The following CNTNAP2 variants were observed in gnomAD, a reference collection of about 807,000 sequenced individuals.
The protein encoded by CNTNAP2 is contactin associated protein 2.
CNTNAP2 carries 98 observed loss-of-function variants against 155.2 expected under a neutral mutation model. That is an observed-to-expected ratio of 0.63 (90% CI 0.54 to 0.75). CNTNAP2 has a LOEUF of 0.75. CNTNAP2 is among the 30% of genes least tolerant of loss of function. The pLI, the probability that CNTNAP2 is intolerant of heterozygous loss-of-function variation, is 0.00. For missense variants in CNTNAP2, 1,727 were observed against 1,688.1 expected (o/e 1.02, Z -0.40); for synonymous variants, 651 against 631.2 (o/e 1.03, Z -0.47).
intron 1 of CNTNAP2, among the ~76,000 whole-genome samples, chr7:146,228,151 G>A (rs749990059): frequency 3.3e-5 from 5 of 152,134 alleles, no homozygotes; most frequent in African/African-American, 1.2e-4. Context: ...GCACTATAGC[G>A]TTATAGCTGC....
Position 147,132,434 on chromosome 7 carries a change from G to C in CNTNAP2, c.1273G>C (p.Asp425His), listed in dbSNP as rs796052373. 6.2e-7 allele frequency: 1 copy of C among 1,613,602 alleles called. No individual in the cohort carries two copies. The highest frequency in any genetic ancestry group is 8.5e-7 in the Non-Finnish European group (1 of 1,179,748). Residue 425 changes from aspartate (D) to histidine (H), a missense_variant, in exon 8 of 24, where the codon GAC (aspartate) becomes CAC (histidine). Coordinates refer to ENST00000361727, the MANE Select transcript of CNTNAP2 (RefSeq NM_014141.6). ...FADNLGNVEI[D>H]LTESKVGVHI... The stretch of plus-strand genomic sequence containing the variant: ...GGATAATTTGGGCAATGTGGAGATT[G>C]ACCTCACTGAAAGCAAAGTGGGTGT...
chr7:147,849,123 C>T (rs1308427713), intron 13 of CNTNAP2, among the ~76,000 whole-genome samples: 1 of 152,136 alleles, frequency 6.6e-6, no homozygotes, highest in African/African-American at 2.4e-5. Flanking sequence ...TGGCATAAAA[C>T]AGCAACATTC....
intron 1 of CNTNAP2, among the ~76,000 whole-genome samples, chr7:146,380,103 C>T (rs1795359861): frequency 6.6e-6 from 1 of 152,060 alleles, no homozygotes; most frequent in African/African-American, 2.4e-5. Context: ...ATGCTGACTT[C>T]TTAAATGAAA....
At chr7:147,302,575 T>C (rs1291558225) in intron 9 of CNTNAP2, among the ~76,000 whole-genome samples, 1 of 152,240 alleles carries the variant, frequency 6.6e-6, no homozygotes, top group African/African-American at 2.4e-5. Flanking sequence ...GAAGAACTCA[T>C]TGCCATTCTG....
At chr7:147,012,724 A>C (rs1391520116) in intron 3 of CNTNAP2, among the ~76,000 whole-genome samples, 1 of 152,174 alleles carries the variant, frequency 6.6e-6, no homozygotes, top group Admixed American at 6.5e-5. Flanking sequence ...TTGTCATGCC[A>C]AAGCTTTTGA....
At chr7:147,357,665 C>T (rs1306289207) in intron 9 of CNTNAP2, among the ~76,000 whole-genome samples, 2 of 152,086 alleles carry the variant, frequency 1.3e-5, no homozygotes, top group Non-Finnish European at 2.9e-5. Context: ...GGACACGAGT[C>T]TTGTTTTATA....
chr7:147,445,721 C>G (rs1797723177), intron 10 of CNTNAP2, among the ~76,000 whole-genome samples: 1 of 152,110 alleles, frequency 6.6e-6, no homozygotes, highest in Non-Finnish European at 1.5e-5. Flanking sequence ...GTTCATGATA[C>G]CAAAATAACT....
intron 8 of CNTNAP2, among the ~76,000 whole-genome samples, chr7:147,209,101 ATTGT>A (rs1803082563): frequency 6.6e-6 from 1 of 152,022 alleles, no homozygotes; most frequent in South Asian, 2.1e-4. Context: ...TAATTTTAGA[ATTGT>A]TTTCTAATTC....
chr7:147,584,663 A>G (rs1419417316), intron 12 of CNTNAP2, among the ~76,000 whole-genome samples: 3 of 152,178 alleles, frequency 2.0e-5, no homozygotes, highest in African/African-American at 7.2e-5. Context: ...TAAATCTGTA[A>G]ATGGAATTCC....
In CNTNAP2 at chr7:148,416,001, T is replaced by C. The variant is rs1009704833; in HGVS notation, c.*385T>C. ...CCTTAGAACGTGGGTATTTTTTTTC[T>C]TGAGAAAAGCTAATGCACCTACAGA... is the stretch of plus-strand genomic sequence containing the variant. On this transcript the variant is annotated 3_prime_UTR_variant, in exon 24 of 24. Transcript: ENST00000361727. The C allele has an allele frequency of 1.3e-5, 3 of 232,916 alleles. No homozygotes were observed. Among genetic ancestry groups the C allele is most frequent in the African/African-American group, 6.8e-5 (3 of 43,812 alleles). The allele number at this position is 232,916 out of a possible 1,614,324, so 14.4% of individuals were successfully genotyped here. A position where few individuals can be genotyped will look rare whatever the true frequency, so the allele number is the denominator to read the frequency against.
At chr7:146,546,684 T>C (rs2129141927) in intron 1 of CNTNAP2, among the ~76,000 whole-genome samples, 1 of 151,964 alleles carries the variant, frequency 6.6e-6, no homozygotes, top group Middle Eastern at 3.4e-3. Flanking sequence ...GGACTCACAG[T>C]TCCACATGAG....
chr7:146,923,298 A>G (rs1249769092), intron 3 of CNTNAP2, among the ~76,000 whole-genome samples: 3 of 152,188 alleles, frequency 2.0e-5, no homozygotes, highest in Non-Finnish European at 2.9e-5. Flanking sequence ...TACTTAACAC[A>G]TGTTCACTGA....
chr7:146,372,104 A>G (rs1479531608), intron 1 of CNTNAP2, among the ~76,000 whole-genome samples: 3 of 152,210 alleles, frequency 2.0e-5, no homozygotes, highest in South Asian at 2.1e-4. Flanking sequence ...TTAGTTGGGG[A>G]CAGAATGAGT....
chr7:147,529,283 G>T (rs541585977), intron 11 of CNTNAP2, among the ~76,000 whole-genome samples: 1 of 152,140 alleles, frequency 6.6e-6, no homozygotes, highest in African/African-American at 2.4e-5. Context: ...ACCTGTTCTG[G>T]TGATTCATTT....
At chr7:147,717,935 G>GTT (rs564749848) in intron 13 of CNTNAP2, among the ~76,000 whole-genome samples, 2,429 of 147,216 alleles carry the variant, frequency 0.016, 212 homozygotes, top group Admixed American at 0.15. Flanking sequence ...AATTTCCTCT[G>GTT]TTTTTTTTTT....
At chr7:146,642,759 G>C (rs1799734605) in intron 1 of CNTNAP2, among the ~76,000 whole-genome samples, 2 of 151,764 alleles carry the variant, frequency 1.3e-5, no homozygotes, top group South Asian at 4.2e-4. Context: ...GGTTGAACTA[G>C]TTTGCAGTCC....
chr7:146,908,911 C>A (rs1796209045), intron 3 of CNTNAP2, among the ~76,000 whole-genome samples: 1 of 148,040 alleles, frequency 6.8e-6, no homozygotes, highest in Non-Finnish European at 1.5e-5. Context: ...ACTAGCAAGA[C>A]TAATAAAGAA....
At chr7:146,571,366 A>C (rs1327211073) in intron 1 of CNTNAP2, among the ~76,000 whole-genome samples, 1 of 152,130 alleles carries the variant, frequency 6.6e-6, no homozygotes, top group African/African-American at 2.4e-5. Context: ...GTATAATGCT[A>C]TGTTTTCAGA....
At chr7:147,681,702 T>C (rs1795949551) in intron 13 of CNTNAP2, among the ~76,000 whole-genome samples, 1 of 151,950 alleles carries the variant, frequency 6.6e-6, no homozygotes, top group Non-Finnish European at 1.5e-5. Context: ...TCTGCTTCTA[T>C]AGATACAGTA....
Sources: allele counts gnomAD v4.1 joint callset (sites outside exome capture counted in the v4.1 genomes callset), GRCh38; gene constraint gnomAD v4.1.1; transcripts MANE v1.5; gene names NCBI Gene and HGNC (gene_info 2026-07-23, HGNC 2026-07-21).